Variants in DCDC2C observed in about 807,000 individuals in gnomAD.
DCDC2C encodes the protein doublecortin domain containing 2C, also known as doublecortin domain-containing protein 2C.
In DCDC2C, 44 loss-of-function variants were observed where a neutral mutation model predicts 45.0. The ratio of observed to expected loss-of-function variants is 0.98; its 90% CI spans 0.77 to 1.26. The LOEUF (loss-of-function observed/expected upper bound fraction) is 1.26. Ranked by LOEUF, DCDC2C falls within the 50% of genes most tolerant of loss-of-function variation. The pLI is 0.00. For synonymous variants in DCDC2C, 187 were observed against 178.8 expected (o/e 1.05, Z -0.37); for missense variants, 447 against 468.9 (o/e 0.95, Z 0.43).
chr2:3,721,618 A>G (rs1170742939), intron 2 of DCDC2C, among the ~76,000 whole-genome samples: 1 of 152,130 alleles, frequency 6.6e-6, no homozygotes, highest in African/African-American at 2.4e-5. Flanking sequence ...CCCCACCCAA[A>G]TCTTATCTTG....
chr2:3,718,134 T>C lies in DCDC2C; in HGVS notation c.340-8869T>C, dbSNP rs192831326. 8.7e-3 allele frequency among the ~76,000 whole-genome samples: 1,321 copies of C among 152,344 alleles called. 18 individuals carry two copies. Among genetic ancestry groups the C allele is most frequent in the African/African-American group, 0.03 (1,267 of 41,574 alleles). On this transcript the variant is annotated intron_variant, in intron 2 of 10. Transcript: ENST00000399143. Reference sequence around the variant, plus strand: ...ACCACTGCATTCTAACTCAGCACAGTTCCTACCATCAGAGGTGGGTCCTCT... The same window carrying C: ...ACCACTGCATTCTAACTCAGCACAGCTCCTACCATCAGAGGTGGGTCCTCT...
intron 8 of DCDC2C, among the ~76,000 whole-genome samples, chr2:3,774,111 G>A (rs1002782572): frequency 3.9e-5 from 6 of 152,332 alleles, no homozygotes; most frequent in African/African-American, 1.4e-4. Context: ...TTAGGAGAAG[G>A]TCAATCTAAA....
At chr2:3,809,762 GC>G (rs1671343637) in intron 10 of DCDC2C, among the ~76,000 whole-genome samples, 1 of 152,024 alleles carries the variant, frequency 6.6e-6, no homozygotes, top group Non-Finnish European at 1.5e-5. Context: ...CCCCCAACAG[GC>G]CCTGATGTGT....
chr2:3,807,588 A>G (rs1250474203), intron 10 of DCDC2C, among the ~76,000 whole-genome samples: 1 of 151,754 alleles, frequency 6.6e-6, no homozygotes, highest in Non-Finnish European at 1.5e-5. Context: ...ATTGAGCTAT[A>G]ATTTATACAC....
intron 10 of DCDC2C, among the ~76,000 whole-genome samples, chr2:3,803,917 C>G (rs189201243): frequency 1.7e-4 from 26 of 152,348 alleles, no homozygotes; most frequent in Admixed American, 1.4e-3. Flanking sequence ...GTGTTTTCCC[C>G]TTTAATTATG....
intron 10 of DCDC2C, among the ~76,000 whole-genome samples, chr2:3,790,131 C>T (rs973035731): frequency 3.4e-4 from 52 of 152,150 alleles, no homozygotes; most frequent in African/African-American, 1.1e-3. Flanking sequence ...AGGAGGCTCT[C>T]GTGCTTCAGG....
chr2:3,747,546 C>T (rs56731324), intron 4 of DCDC2C, among the ~76,000 whole-genome samples: 4,308 of 152,266 alleles, frequency 0.028, 192 homozygotes, highest in African/African-American at 0.098. Context: ...CTCAGCACAG[C>T]GTGTCCTGTG....
intron 4 of DCDC2C, among the ~76,000 whole-genome samples, chr2:3,751,503 C>T (rs1395694795): frequency 1.3e-5 from 2 of 152,158 alleles, no homozygotes; most frequent in African/African-American, 4.8e-5. Context: ...GGGATGGGAC[C>T]CAGGAGAAGC....
At chr2:3,731,568 C>A (rs357949) in intron 3 of DCDC2C, among the ~76,000 whole-genome samples, 2 of 152,072 alleles carry the variant, frequency 1.3e-5, no homozygotes, top group Admixed American at 6.5e-5. Flanking sequence ...TCACTGATTG[C>A]GCCTTTTAGT....
intron 3 of DCDC2C, among the ~76,000 whole-genome samples, chr2:3,729,330 A>T (rs544266812): frequency 3.2e-4 from 48 of 152,206 alleles, no homozygotes; most frequent in Non-Finnish European, 6.0e-4. Context: ...AGAAGGGGCC[A>T]TTGGTCCTGG....
chr2:3,751,727 T>C (rs1669548354), intron 4 of DCDC2C, among the ~76,000 whole-genome samples: 1 of 152,196 alleles, frequency 6.6e-6, no homozygotes, highest in South Asian at 2.1e-4. Context: ...CTTCCTGCCC[T>C]AATTCATTCC....
intron 10 of DCDC2C, among the ~76,000 whole-genome samples, chr2:3,807,602 A>G (rs1425079252): frequency 6.6e-6 from 1 of 152,084 alleles, no homozygotes; most frequent in Admixed American, 6.5e-5. Context: ...TATACACAGT[A>G]GAATGCATCC....
rs1441497582 is a variant in DCDC2C at position 3,732,365 on chromosome 2, G to A, written c.416+5286G>A. 2.6e-5 allele frequency among the ~76,000 whole-genome samples: 4 copies of A among 152,234 alleles called. No individual in the cohort carries two copies. In the East Asian group the frequency reaches 7.7e-4, roughly 29 times the overall value. On this transcript the variant is annotated intron_variant, in intron 3 of 10. Transcript: ENST00000399143. Reference sequence around the variant, plus strand: ...CATCTGCTGCCTGAGGCTGTCAATGGAACTGTGGTTTGAGATCTCTGGTTG... The same window carrying A: ...CATCTGCTGCCTGAGGCTGTCAATGAAACTGTGGTTTGAGATCTCTGGTTG...
chr2:3,752,266 C>G (rs357970), intron 4 of DCDC2C, among the ~76,000 whole-genome samples: 83,738 of 152,008 alleles, frequency 0.55, 23,627 homozygotes, highest in East Asian at 0.75. Flanking sequence ...AGAGGCTCAG[C>G]ATTGAGTTAA....
At chr2:3,706,287 G>T (rs1213355149) in intron 1 of DCDC2C, among the ~76,000 whole-genome samples, 1 of 152,100 alleles carries the variant, frequency 6.6e-6, no homozygotes, top group African/African-American at 2.4e-5. Context: ...TTTCAAGATG[G>T]TGCATTAAAA....
chr2:3,806,646 G>T (rs1357371291), intron 10 of DCDC2C, among the ~76,000 whole-genome samples: 1 of 151,380 alleles, frequency 6.6e-6, no homozygotes, highest in Non-Finnish European at 1.5e-5. Context: ...GGGTTCAAGC[G>T]ATTCTCCTGC....
At chr2:3,830,737 T>C (rs1018108358) in intron 10 of DCDC2C, among the ~76,000 whole-genome samples, 1 of 152,106 alleles carries the variant, frequency 6.6e-6, no homozygotes, top group African/African-American at 2.4e-5. Context: ...TGACTCACGG[T>C]GGGTGGTTGT....
chr2:3,708,398 A>G (rs1247966168), intron 1 of DCDC2C, among the ~76,000 whole-genome samples, 151 bp from the exon 2 acceptor site: 1 of 152,106 alleles, frequency 6.6e-6, no homozygotes, highest in Non-Finnish European at 1.5e-5. Flanking sequence ...TCTGATGTGG[A>G]TTCTAACACC....
chr2:3,796,451 T>A (rs1268428296), intron 10 of DCDC2C, among the ~76,000 whole-genome samples: 3 of 115,126 alleles, frequency 2.6e-5, no homozygotes, highest in Non-Finnish European at 5.2e-5. Context: ...TGTGCCAGTT[T>A]TCAAAGGGAA....
Sources: gnomAD v4.1 joint callset for allele counts (sites outside exome capture counted in the v4.1 genomes callset) on GRCh38, gnomAD v4.1.1 for gene constraint, MANE v1.5 for transcripts, NCBI Gene and HGNC (gene_info 2026-07-23, HGNC 2026-07-21) for gene names.